SGF29: variants seen among roughly 807,000 people sequenced by gnomAD.
SGF29 encodes SAGA complex associated factor 29.
Under a neutral mutation model 38.1 loss-of-function variants are expected in SGF29, and 15 were observed. The ratio of observed to expected loss-of-function variants is 0.39; its 90% CI spans 0.26 to 0.61. SGF29 has a LOEUF of 0.61. Ranked by LOEUF, SGF29 falls within the 20% of genes least tolerant of loss-of-function variation. The pLI, the probability that SGF29 is intolerant of heterozygous loss-of-function variation, is 0.49. For synonymous variants in SGF29, 151 were observed against 160.8 expected (o/e 0.94, Z 0.46); for missense variants, 184 against 394.6 (o/e 0.47, Z 4.52).
At chr16:28,576,780 A>C (rs1436673661) in intron 1 of SGF29, among the ~76,000 whole-genome samples, 1 of 152,216 alleles carries the variant, frequency 6.6e-6, no homozygotes, top group Non-Finnish European at 1.5e-5. Context: ...AATAGCCAAA[A>C]AAATAGACGT....
At chr16:28,554,189 C>T (rs149277) in intron 1 of SGF29, 92 bp downstream of exon 1, 1 of 150,850 alleles carries the variant, frequency 6.6e-6, no homozygotes, top group Admixed American at 6.6e-5. Context: ...CCCGACCTCC[C>T]TGAGGCGGCG....
intron 1 of SGF29, among the ~76,000 whole-genome samples, chr16:28,574,474 G>A (rs191847542): frequency 6.2e-4 from 95 of 152,280 alleles, no homozygotes; most frequent in African/African-American, 2.1e-3. Context: ...GCTCAGGAAG[G>A]TGCGTCTCCT....
intron 1 of SGF29, among the ~76,000 whole-genome samples, chr16:28,565,387 G>A (rs1298667115): frequency 6.6e-6 from 1 of 152,224 alleles, no homozygotes; most frequent in Non-Finnish European, 1.5e-5. Context: ...GGTGCAGTAT[G>A]TAAGCAGGTG....
intron 1 of SGF29, among the ~76,000 whole-genome samples, chr16:28,561,665 T>C (rs1294267571): frequency 2.0e-5 from 3 of 152,206 alleles, no homozygotes. Context: ...TACCTCAGCA[T>C]TCCTAAGAAT....
At chr16:28,585,323 T>A in intron 3 of SGF29, 1 of 531,550 alleles carries the variant, frequency 1.9e-6, no homozygotes, top group Non-Finnish European at 3.4e-6. Flanking sequence ...GGTGGTGAGA[T>A]CCTGGGGCTG....
At chr16:28,572,488 C>CA (rs531391821) in intron 1 of SGF29, among the ~76,000 whole-genome samples, 165 of 152,122 alleles carry the variant, frequency 1.1e-3, no homozygotes, top group African/African-American at 3.9e-3. Flanking sequence ...AGGCTGGTCT[C>CA]AAACTCCTGA....
chr16:28,566,409 TTAAG>T (rs2046836572), intron 1 of SGF29, among the ~76,000 whole-genome samples: 1 of 152,096 alleles, frequency 6.6e-6, no homozygotes, highest in Admixed American at 6.6e-5. Context: ...ATCTTAAAGA[TTAAG>T]TAATTAACTG....
chr16:28,555,292 A>G, intron 1 of SGF29, among the ~76,000 whole-genome samples: 1 of 151,664 alleles, frequency 6.6e-6, no homozygotes, highest in East Asian at 2.0e-4. Context: ...GGTGAAATCC[A>G]GTCTCTTCTA....
chr16:28,560,789 G>A (rs1256048398), intron 1 of SGF29, among the ~76,000 whole-genome samples: 8 of 151,172 alleles, frequency 5.3e-5, no homozygotes, highest in Non-Finnish European at 1.2e-4. Context: ...GTGAAACCCC[G>A]TCTCTGCTAA....
At position 28,564,666 on chromosome 16, in the gene SGF29, C is replaced by T. The variant is rs11648998; in HGVS notation, c.-16+10569C>T. ...ATGTGTATATATACGTATATATATG[C>T]ATATATATGTATATATATGTGTATA... On this transcript the variant is annotated intron_variant, in intron 1 of 9. Transcript: ENST00000317058. 6.8e-4 allele frequency among the ~76,000 whole-genome samples: 42 copies of T among 61,592 alleles called. 1 individual carries two copies. The highest frequency in any genetic ancestry group is 1.9e-3 in the South Asian group (5 of 2,666). 40.4% of individuals were successfully genotyped at this position (61,592 alleles called of 152,430 possible).
At chr16:28,560,457 C>G (rs758561664) in intron 1 of SGF29, among the ~76,000 whole-genome samples, 1 of 151,020 alleles carries the variant, frequency 6.6e-6, no homozygotes, top group Non-Finnish European at 1.5e-5. Flanking sequence ...GACGTGGTGG[C>G]GCACACCTGT....
intron 1 of SGF29, among the ~76,000 whole-genome samples, chr16:28,559,332 TAGAG>T (rs1349670333): frequency 3.3e-5 from 5 of 151,980 alleles, no homozygotes; most frequent in African/African-American, 9.7e-5. Flanking sequence ...AATAAGTAGA[TAGAG>T]AGATAGAGAA....
intron 1 of SGF29, among the ~76,000 whole-genome samples, chr16:28,576,789 G>A (rs759637871): frequency 6.6e-6 from 1 of 152,088 alleles, no homozygotes; most frequent in Non-Finnish European, 1.5e-5. Flanking sequence ...AAAAATAGAC[G>A]TAACCCAATG....
chr16:28,574,647 A>G (rs1489347322), intron 1 of SGF29, among the ~76,000 whole-genome samples: 1 of 152,114 alleles, frequency 6.6e-6, no homozygotes, highest in Non-Finnish European at 1.5e-5. Flanking sequence ...TTAGCAGGAG[A>G]GAATAACCCT....
intron 1 of SGF29, among the ~76,000 whole-genome samples, chr16:28,556,909 A>G (rs1322353308): frequency 6.6e-6 from 1 of 152,128 alleles, no homozygotes; most frequent in Non-Finnish European, 1.5e-5. Context: ...CGGCCTCCCA[A>G]AATGCTGGGA....
chr16:28,576,720 A>T (rs2046896336), intron 1 of SGF29, among the ~76,000 whole-genome samples: 1 of 152,008 alleles, frequency 6.6e-6, no homozygotes, highest in Non-Finnish European at 1.5e-5. Flanking sequence ...AACAAAGAAA[A>T]CGTGCCCACA....
intron 1 of SGF29, among the ~76,000 whole-genome samples, chr16:28,564,749 ATATATG>A (rs2046824117): frequency 4.1e-5 from 3 of 73,770 alleles, no homozygotes; most frequent in Non-Finnish European, 5.5e-5. Flanking sequence ...ATATATGTAT[ATATATG>A]TATATATGTA....
intron 1 of SGF29, among the ~76,000 whole-genome samples, chr16:28,564,780 T>C (rs1411956138): frequency 1.8e-4 from 20 of 111,374 alleles, no homozygotes; most frequent in South Asian, 2.8e-4. Flanking sequence ...TATGTATATA[T>C]ATATATACAC....
At chr16:28,566,939 C>G (rs931000155) in intron 1 of SGF29, among the ~76,000 whole-genome samples, 1 of 152,072 alleles carries the variant, frequency 6.6e-6, no homozygotes, top group African/African-American at 2.4e-5. Flanking sequence ...CAAACTGCTG[C>G]AATTACAGGG....
Sources: gnomAD v4.1 joint callset for allele counts (sites outside exome capture counted in the v4.1 genomes callset) on GRCh38, gnomAD v4.1.1 for gene constraint, MANE v1.5 for transcripts, NCBI Gene and HGNC (gene_info 2026-07-23, HGNC 2026-07-21) for gene names.